NCF1: variants seen among roughly 807,000 people sequenced by gnomAD.
The protein encoded by NCF1 is neutrophil cytosol factor 1.
In NCF1, 8 loss-of-function variants were observed where a neutral mutation model predicts 34.9. That is an observed-to-expected ratio of 0.23 (90% CI 0.13 to 0.41). NCF1 has a LOEUF of 0.41. Among genes scored for constraint, NCF1 ranks in the 10% least tolerant of loss-of-function variants. The probability of loss-of-function intolerance (pLI) is 1.00; values close to 1 mark genes in which losing one functional copy is unlikely to be tolerated. For synonymous variants in NCF1, 57 were observed against 146.3 expected, an observed-to-expected ratio of 0.39 and a Z score of 4.41; for missense variants, 122 against 362.4, an observed-to-expected ratio of 0.34 and a Z score of 5.39.
intron 5 of NCF1, among the ~76,000 whole-genome samples, chr7:74,782,040 C>A (rs1453084863): frequency 7.1e-6 from 1 of 140,336 alleles, no homozygotes; most frequent in Non-Finnish European, 1.5e-5. Context: ...AGCACCTCCA[C>A]GGTTGGATGA....
chr7:74,788,741 T>C lies in NCF1; in HGVS notation c.1051+37T>C, dbSNP rs1190770768. ...GGGAGAGGGCAGGAAGGGCAAGCCC[T>C]AGAGGCGGAGTCAGCGGGAGAGGCG... is the stretch of plus-strand genomic sequence containing the variant. On this transcript the variant is annotated intron_variant, in intron 10 of 10. Coordinates refer to ENST00000289473, the MANE Select transcript of NCF1 (RefSeq NM_000265.7). 129 of 1,555,596 alleles carry C rather than the reference T, an allele frequency of 8.3e-5. 5 individuals are homozygous for C. The highest frequency in any genetic ancestry group is 1.1e-4 in the Non-Finnish European group (122 of 1,157,654).
intron 8 of NCF1, among the ~76,000 whole-genome samples, chr7:74,787,671 A>G (rs1796698691): frequency 1.3e-5 from 2 of 148,398 alleles, no homozygotes; most frequent in Admixed American, 6.8e-5. Flanking sequence ...TCCCACCTAG[A>G]TCCCTCAAAG....
At chr7:74,782,645 G>A (rs1336973190) in intron 5 of NCF1, among the ~76,000 whole-genome samples, 1 of 151,974 alleles carries the variant, frequency 6.6e-6, no homozygotes, top group Non-Finnish European at 1.5e-5. Flanking sequence ...CTGAGGCAGG[G>A]AGATTGCTTG....
Position 74,783,571 on chromosome 7 carries a change from G to T in NCF1, c.621G>T (p.Ala207=). 6.4e-7 allele frequency: 1 copy of T among 1,571,972 alleles called. No homozygotes were observed. The highest frequency in any genetic ancestry group is 8.7e-7 in the Non-Finnish European group (1 of 1,152,156). ...QMKAKRGWIP[A]SFLEPLDSPD... is the part of the protein sequence containing the mutation. ...AAGCAAAGCGAGGCTGGATCCCAGC[G>T]TCCTTCCTCGAGCCCCTGGACAGTC... The change falls in exon 7 of 11, where the codon GCG becomes GCT. Residue 207 remains alanine, a synonymous_variant. Transcript: ENST00000289473.
At position 74,777,235 on chromosome 7, in the gene NCF1, A is replaced by G. The variant is rs781821575; in HGVS notation, c.73-32A>G. 4 of 1,608,128 alleles carry G rather than the reference A, an allele frequency of 2.5e-6. No individual in the cohort carries two copies. The Admixed American group carries it at 5.0e-5, about 20-fold the overall frequency. On this transcript the variant is annotated intron_variant, in intron 1 of 10. Coordinates refer to ENST00000289473, the MANE Select transcript of NCF1 (RefSeq NM_000265.7). ...CACAGCAAAGCCTCTTTGGAGGCTG[A>G]ATGGGGTCCCCCGACTCTGGCTTTC... is the stretch of plus-strand genomic sequence containing the variant.
intron 1 of NCF1, among the ~76,000 whole-genome samples, chr7:74,775,928 CAT>C (rs1307109609): frequency 7.4e-6 from 1 of 134,752 alleles, no homozygotes; most frequent in Non-Finnish European, 1.6e-5. Flanking sequence ...AGGGTTTTGC[CAT>C]ATTGATTCTG....
chr7:74,782,002 C>T (rs185872833), intron 5 of NCF1, among the ~76,000 whole-genome samples: 8 of 150,116 alleles, frequency 5.3e-5, no homozygotes, highest in Admixed American at 1.3e-4. Flanking sequence ...TTTGAGAAGG[C>T]GGATGTCAGC....
chr7:74,788,577 G>T lies in NCF1; in HGVS notation c.924G>T (p.Ala308=), dbSNP rs1554414883. 1.9e-6 allele frequency: 3 copies of T among 1,550,202 alleles called. No individual in the cohort carries two copies. The highest frequency in any genetic ancestry group is 2.6e-6 in the Non-Finnish European group (3 of 1,149,916). ...APPRRSSIRN[A]HSIHQRSRKR... ...GGGCCAGGTCGTCCATCCGCAACGCGCACAGCATCCACCAGCGGTCGCGGA... is the reference window on the plus strand; with the variant it reads ...GGGCCAGGTCGTCCATCCGCAACGCTCACAGCATCCACCAGCGGTCGCGGA... Residue 308 remains alanine (A), a synonymous_variant, in exon 10 of 11, where the codon GCG becomes GCT. Transcript: ENST00000289473.
chr7:74,785,941 G>T (rs1796666115), intron 8 of NCF1, among the ~76,000 whole-genome samples: 1 of 128,380 alleles, frequency 7.8e-6, no homozygotes, highest in South Asian at 2.8e-4. Context: ...ATCTTTTAAA[G>T]CTTTCTTGCA....
Position 74,783,004 on chromosome 7 carries a change from T to C in NCF1, c.517T>C (p.Ser173Pro). The C allele has an allele frequency of 6.2e-7, 1 of 1,611,360 alleles. No homozygotes were observed. The highest frequency in any genetic ancestry group is 1.1e-5 in the South Asian group (1 of 90,978). The change falls in exon 6 of 11, where the codon TCC becomes CCC. Residue 173 changes from serine (S) to proline (P), a missense_variant. Transcript: ENST00000289473. ...TGCCAACTACGAGAAGACCTCGGGC[T>C]CCGAGATGGCTCTGTCCACGGGGGA... is the stretch of plus-strand genomic sequence containing the variant. ...AIANYEKTSG[S>P]EMALSTGDVV...
chr7:74,777,128 C>A, intron 1 of NCF1, 139 bp from the exon 2 acceptor site: 2 of 720,144 alleles, frequency 2.8e-6, no homozygotes, highest in East Asian at 3.6e-5. Flanking sequence ...TGTGCCCTTT[C>A]TGCAATCCAG....
At chr7:74,775,946 GT>G (rs1373020275) in intron 1 of NCF1, among the ~76,000 whole-genome samples, 3 of 47,850 alleles carry the variant, frequency 6.3e-5, no homozygotes, top group African/African-American at 3.4e-4. Context: ...TTCTGGATCA[GT>G]CTTTTTTTTT....
intron 8 of NCF1, among the ~76,000 whole-genome samples, chr7:74,787,406 C>T (rs1440567798): frequency 2.6e-5 from 4 of 152,118 alleles, no homozygotes; most frequent in African/African-American, 9.7e-5. Flanking sequence ...TGCCATTGCA[C>T]TCCAGCCTAG....
chr7:74,781,681 T>C (rs1662017377), intron 5 of NCF1: 1 of 148,270 alleles, frequency 6.7e-6, no homozygotes, highest in Non-Finnish European at 1.5e-5. Context: ...TACAGGTGTG[T>C]GCCACCATGT....
intron 2 of NCF1, chr7:74,777,706 G>A (rs1193086141): frequency 2.8e-5 from 8 of 283,480 alleles, no homozygotes; most frequent in Non-Finnish European, 5.6e-5. Flanking sequence ...CTATAGGTGC[G>A]CATCACCATG....
chr7:74,777,417 C>T, intron 2 of NCF1, 70 bp downstream of exon 2: 2 of 1,251,066 alleles, frequency 1.6e-6, no homozygotes, highest in Middle Eastern at 2.4e-4. Context: ...GGACCTTAGC[C>T]CAGGTGATGG....
At chr7:74,777,115 G>A (rs1432206429) in intron 1 of NCF1, 152 bp from the exon 2 acceptor site, 6 of 642,406 alleles carry the variant, frequency 9.3e-6, no homozygotes, top group Admixed American at 2.2e-5. Context: ...TTGGGTCCAC[G>A]TTTGTGCCCT....
chr7:74,777,150 A>G, intron 1 of NCF1, 117 bp from the exon 2 acceptor site: 1 of 868,344 alleles, frequency 1.2e-6, no homozygotes, highest in Admixed American at 2.1e-5. Flanking sequence ...ACAACCGCAA[A>G]GATGGTCCTC....
chr7:74,785,842 C>T (rs1281697812), intron 8 of NCF1, among the ~76,000 whole-genome samples: 2 of 144,402 alleles, frequency 1.4e-5, no homozygotes, highest in Non-Finnish European at 3.0e-5. Flanking sequence ...AAGATCGCGC[C>T]ATTGCACTCC....
Sources: gnomAD v4.1 joint callset for allele counts (sites outside exome capture counted in the v4.1 genomes callset) on GRCh38, gnomAD v4.1.1 for gene constraint, MANE v1.5 for transcripts, NCBI Gene and HGNC (gene_info 2026-07-23, HGNC 2026-07-21) for gene names.